The following KAZN variants were observed in gnomAD, a reference collection of about 807,000 sequenced individuals.
The protein encoded by KAZN is kazrin.
A neutral mutation model predicts 87.4 loss-of-function variants in KAZN; 40 were observed. The ratio of observed to expected loss-of-function variants is 0.46; its 90% CI spans 0.36 to 0.60. The LOEUF (loss-of-function observed/expected upper bound fraction) is 0.60, where lower values mean the gene tolerates loss of function less well. Ranked by LOEUF, KAZN falls within the 20% of genes least tolerant of loss-of-function variation. The probability of loss-of-function intolerance (pLI) is 0.00; values close to 1 mark genes in which losing one functional copy is unlikely to be tolerated. For synonymous variants in KAZN, 466 were observed against 458.3 expected (o/e 1.02, Z -0.22); for missense variants, 898 against 1,073.9 (o/e 0.84, Z 2.29).
chr1:14,755,681 C>T (rs962375322), intron 1 of KAZN, among the ~76,000 whole-genome samples: 14 of 152,114 alleles, frequency 9.2e-5, no homozygotes, highest in African/African-American at 3.4e-4. Context: ...TGGAGGGCAG[C>T]CCCTTCCTGG....
chr1:14,779,143 C>T (rs1329914161), intron 1 of KAZN, among the ~76,000 whole-genome samples: 3 of 152,204 alleles, frequency 2.0e-5, no homozygotes, highest in Admixed American at 6.5e-5. Context: ...CACCCAAATC[C>T]AAGGTCAGGA....
At chr1:14,994,859 A>T (rs1189207459) in intron 2 of KAZN, among the ~76,000 whole-genome samples, 1 of 152,242 alleles carries the variant, frequency 6.6e-6, no homozygotes, top group Admixed American at 6.5e-5. Context: ...CACTTCAGCC[A>T]GTTCCTCTGG....
intron 1 of KAZN, among the ~76,000 whole-genome samples, chr1:14,782,552 A>G (rs1443278347): frequency 8.9e-6 from 1 of 112,478 alleles, no homozygotes; most frequent in East Asian, 2.7e-4. Flanking sequence ...CACCTCAAAG[A>G]GCAAAAAAAA....
At chr1:14,230,934 G>A (rs185948366) in intron 2 of KAZN, among the ~76,000 whole-genome samples, 10 of 152,262 alleles carry the variant, frequency 6.6e-5, no homozygotes, top group African/African-American at 2.4e-4. Context: ...CTTCAGACAG[G>A]TTACTTCATC....
At chr1:13,912,275 A>G (rs182806864) in intron 1 of KAZN, among the ~76,000 whole-genome samples, 25 of 152,268 alleles carry the variant, frequency 1.6e-4, no homozygotes, top group African/African-American at 5.8e-4. Context: ...CCTGTGCCTA[A>G]TGAGTCCGCG....
At chr1:14,980,918 G>A (rs986850824) in intron 2 of KAZN, among the ~76,000 whole-genome samples, 1 of 152,152 alleles carries the variant, frequency 6.6e-6, no homozygotes, top group Non-Finnish European at 1.5e-5. Flanking sequence ...TAGACTGCGT[G>A]TCTTCAGTGT....
intron 1 of KAZN, among the ~76,000 whole-genome samples, chr1:14,751,537 G>A (rs1008023799): frequency 1.3e-5 from 2 of 152,292 alleles, no homozygotes; most frequent in South Asian, 4.1e-4. Flanking sequence ...TTATTGCAGA[G>A]AATACTAAGA....
At chr1:14,818,746 G>A (rs1283910345) in intron 1 of KAZN, among the ~76,000 whole-genome samples, 2 of 152,160 alleles carry the variant, frequency 1.3e-5, no homozygotes, top group African/African-American at 4.8e-5. Flanking sequence ...AAGGGGTGAG[G>A]GAGGATGTTG....
At chr1:14,626,128 G>A (rs898666017) in intron 1 of KAZN, among the ~76,000 whole-genome samples, 2 of 152,200 alleles carry the variant, frequency 1.3e-5, no homozygotes, top group Non-Finnish European at 2.9e-5. Context: ...CAACTGGACT[G>A]AGCCCTGCTG....
chr1:14,362,040 A>C (rs1380003103), intron 2 of KAZN, among the ~76,000 whole-genome samples: 1 of 152,242 alleles, frequency 6.6e-6, no homozygotes, highest in Non-Finnish European at 1.5e-5. Flanking sequence ...GAAACTGCCC[A>C]AAAGCCAGTG....
intron 1 of KAZN, among the ~76,000 whole-genome samples, chr1:14,650,385 C>T (rs766327898): frequency 6.6e-6 from 1 of 152,080 alleles, no homozygotes; most frequent in Non-Finnish European, 1.5e-5. Context: ...CAAGACCTCA[C>T]CTCTACTAAA....
intron 1 of KAZN, among the ~76,000 whole-genome samples, chr1:14,811,684 T>A (rs1334380180): frequency 2.6e-5 from 4 of 152,208 alleles, no homozygotes; most frequent in Non-Finnish European, 5.9e-5. Context: ...TCATTTTTTG[T>A]CTCTGAAACA....
chr1:14,984,349 C>T (rs2101910604), intron 2 of KAZN, among the ~76,000 whole-genome samples: 1 of 152,008 alleles, frequency 6.6e-6, no homozygotes, highest in East Asian at 1.9e-4. Flanking sequence ...TCCACTCCAG[C>T]CTGGGAAACA....
intron 1 of KAZN, among the ~76,000 whole-genome samples, chr1:14,084,112 AGGGAGGT>A (rs1643777505): frequency 6.6e-6 from 1 of 152,198 alleles, no homozygotes; most frequent in Admixed American, 6.5e-5. Flanking sequence ...GCCCCTCTGG[AGGGAGGT>A]GATGGTGGAT....
chr1:15,087,395 T>G (rs1255390470), intron 8 of KAZN, among the ~76,000 whole-genome samples: 1 of 142,024 alleles, frequency 7.0e-6, no homozygotes, highest in African/African-American at 2.8e-5. Flanking sequence ...TAAAGCACTT[T>G]TTTCTTTTTT....
chr1:14,734,372 C>T (rs1329294539), intron 1 of KAZN, among the ~76,000 whole-genome samples: 3 of 148,322 alleles, frequency 2.0e-5, no homozygotes, highest in Non-Finnish European at 4.4e-5. Context: ...ATGGCACCAT[C>T]GGTTGACTGC....
chr1:14,608,359 C>T (rs1477223435), intron 1 of KAZN, among the ~76,000 whole-genome samples: 1 of 152,170 alleles, frequency 6.6e-6, no homozygotes, highest in East Asian at 1.9e-4. Flanking sequence ...GTATAACTGA[C>T]ATGAAAACAT....
At chr1:14,627,220 G>C (rs991480639) in intron 1 of KAZN, among the ~76,000 whole-genome samples, 9 of 151,966 alleles carry the variant, frequency 5.9e-5, no homozygotes, top group African/African-American at 2.2e-4. Context: ...GAAGGAGCCA[G>C]CCATGGGATG....
intron 1 of KAZN, among the ~76,000 whole-genome samples, chr1:14,805,671 G>T (rs1408730750): frequency 6.6e-6 from 1 of 151,932 alleles, no homozygotes; most frequent in Non-Finnish European, 1.5e-5. Flanking sequence ...GAAAGGAGGA[G>T]AATCACTTGA....
Sources: gnomAD v4.1 joint callset for allele counts (sites outside exome capture counted in the v4.1 genomes callset) on GRCh38, gnomAD v4.1.1 for gene constraint, MANE v1.5 for transcripts, NCBI Gene and HGNC (gene_info 2026-07-23, HGNC 2026-07-21) for gene names.